NALCN: variants seen among roughly 807,000 people sequenced by gnomAD.
NALCN encodes the protein sodium leak channel NALCN.
A neutral mutation model predicts 225.3 loss-of-function variants in NALCN; 111 were observed. The ratio of observed to expected loss-of-function variants is 0.49; its 90% CI spans 0.42 to 0.58. The LOEUF (loss-of-function observed/expected upper bound fraction) is 0.58. Ranked by LOEUF, NALCN falls within the 20% of genes least tolerant of loss-of-function variation. The pLI is 0.00. For synonymous variants in NALCN, 764 were observed against 769.0 expected, an observed-to-expected ratio of 0.99 and a Z score of 0.11; for missense variants, 1,378 against 2,202.4, an observed-to-expected ratio of 0.63 and a Z score of 7.49.
intron 10 of NALCN, among the ~76,000 whole-genome samples, chr13:101,259,596 AGT>A (rs773410223): frequency 2.0e-4 from 31 of 151,548 alleles, no homozygotes; most frequent in Admixed American, 1.3e-3. Flanking sequence ...GGCCTCCCAA[AGT>A]GTTGGGATTA....
At chr13:101,350,726 T>C (rs1241241474) in intron 6 of NALCN, among the ~76,000 whole-genome samples, 1 of 152,218 alleles carries the variant, frequency 6.6e-6, no homozygotes, top group Non-Finnish European at 1.5e-5. Context: ...TGATTAACAC[T>C]TAAATTGATA....
intron 41 of NALCN, among the ~76,000 whole-genome samples, chr13:101,061,062 G>GT (rs1327309879): frequency 6.6e-6 from 1 of 152,176 alleles, no homozygotes; most frequent in Admixed American, 6.5e-5. Flanking sequence ...ATTGCTTTGG[G>GT]TTTTTTCCCT....
intron 6 of NALCN, among the ~76,000 whole-genome samples, chr13:101,375,861 T>A (rs376688155): frequency 1.3e-5 from 2 of 152,188 alleles, no homozygotes; most frequent in East Asian, 3.9e-4. Flanking sequence ...TATATCTAGC[T>A]AACACCTAAT....
intron 43 of NALCN, chr13:101,057,530 G>C: frequency 4.3e-6 from 1 of 230,016 alleles, no homozygotes; most frequent in Non-Finnish European, 8.6e-6. Context: ...GAGAGAAATC[G>C]GGGGCCTGTC....
At chr13:101,390,979 C>T (rs2047127657) in intron 3 of NALCN, among the ~76,000 whole-genome samples, 1 of 151,824 alleles carries the variant, frequency 6.6e-6, no homozygotes, top group South Asian at 2.1e-4. Context: ...TTAATGGGTG[C>T]AGCACACCAA....
chr13:101,299,380 T>C (rs2043868227), intron 7 of NALCN, among the ~76,000 whole-genome samples: 1 of 152,232 alleles, frequency 6.6e-6, no homozygotes, highest in African/African-American at 2.4e-5. Context: ...CGAAATTAAA[T>C]GACTGCCTTC....
At chr13:101,153,612 C>T (rs912480593) in intron 15 of NALCN, among the ~76,000 whole-genome samples, 2 of 152,172 alleles carry the variant, frequency 1.3e-5, no homozygotes, top group Non-Finnish European at 2.9e-5. Flanking sequence ...CTCTTCCAGC[C>T]TCTCCTGTCT....
chr13:101,368,537 A>C (rs114720800), intron 6 of NALCN: 180 of 152,324 alleles, frequency 1.2e-3, no homozygotes, highest in African/African-American at 3.7e-3. Flanking sequence ...GAAAAGTTTA[A>C]AAATTTTCAA....
chr13:101,158,578 T>C (rs2038016323), intron 15 of NALCN, among the ~76,000 whole-genome samples: 2 of 152,238 alleles, frequency 1.3e-5, no homozygotes, highest in Non-Finnish European at 2.9e-5. Context: ...CTTTCAGAAC[T>C]GTCTATGTCA....
intron 17 of NALCN, among the ~76,000 whole-genome samples, chr13:101,141,257 A>G (rs370342346): frequency 3.3e-5 from 5 of 152,322 alleles, no homozygotes; most frequent in South Asian, 4.1e-4. Flanking sequence ...TCTGATGAAA[A>G]AAGACATATA....
chr13:101,179,295 T>C (rs2039092597), intron 14 of NALCN, among the ~76,000 whole-genome samples: 1 of 150,740 alleles, frequency 6.6e-6, no homozygotes, highest in Non-Finnish European at 1.5e-5. Context: ...AATGTAATAA[T>C]AGCTCAACAA....
Position 101,089,312 on chromosome 13 carries a change from T to G in NALCN, c.3489+351A>C, listed in dbSNP as rs1193719001. 6.6e-6 allele frequency among the ~76,000 whole-genome samples: 1 copy of G among 152,238 alleles called. No homozygotes were observed. The highest frequency in any genetic ancestry group is 1.5e-5 in the Non-Finnish European group (1 of 68,040). Reference sequence around the variant, plus strand: ...TACACAGAAGCATACAATTTACATTTAGTGAAAGTAATATTACCTGTAATT... The same window carrying G: ...TACACAGAAGCATACAATTTACATTGAGTGAAAGTAATATTACCTGTAATT... On this transcript the variant is annotated intron_variant, in intron 30 of 43. Coordinates refer to ENST00000251127, the MANE Select transcript of NALCN (RefSeq NM_052867.4). The surrounding 1 kb of genome is among the most constrained non-coding windows in gnomAD (Gnocchi z 4.7).
chr13:101,271,640 G>A (rs1228165772), intron 10 of NALCN, among the ~76,000 whole-genome samples: 4 of 151,848 alleles, frequency 2.6e-5, no homozygotes, highest in Non-Finnish European at 1.5e-5. Context: ...AGGTATGTGC[G>A]TGTGTATGTG....
intron 13 of NALCN, 98 bp from the exon 14 acceptor site, chr13:101,192,152 T>C (rs1251267279): frequency 7.3e-7 from 1 of 1,375,686 alleles, no homozygotes; most frequent in Non-Finnish European, 9.7e-7. Flanking sequence ...CTCAATATTA[T>C]TGATTTTTAT....
In NALCN at chr13:101,064,394, A is replaced by G. The variant is rs117146702; in HGVS notation, c.4604+1010T>C. ...TAAATGTTTCCTCCCAAAAAAAGAT[A>G]TGTTGGAGTCCTAACCTCTAGTACC... On this transcript the variant is annotated intron_variant, in intron 40 of 43. Transcript: ENST00000251127. 7.2e-5 allele frequency among the ~76,000 whole-genome samples: 11 copies of G among 152,314 alleles called. No homozygotes were observed. The East Asian group carries it at 1.9e-3, about 27-fold the overall frequency.
chr13:101,062,463 C>A lies in NALCN; in HGVS notation c.4605-345G>T, dbSNP rs113907262. On this transcript the variant is annotated intron_variant, in intron 40 of 43. Transcript: ENST00000251127. Reference sequence around the variant, plus strand: ...GCGACTTTCTCTGCAGAAGGAAGACCGCACCTCCCATACTTTCTTCACACT... The same window carrying A: ...GCGACTTTCTCTGCAGAAGGAAGACAGCACCTCCCATACTTTCTTCACACT... Among the ~76,000 whole-genome samples the A allele has an allele frequency of 2.0e-5, 3 of 152,092 alleles. No homozygotes were observed. The East Asian group carries it at 5.8e-4, about 29-fold the overall frequency.
chr13:101,145,870 G>C (rs968185130), intron 15 of NALCN, among the ~76,000 whole-genome samples: 1 of 152,100 alleles, frequency 6.6e-6, no homozygotes, highest in Non-Finnish European at 1.5e-5. Flanking sequence ...GAGGGATTTG[G>C]GGGGTGGGTT....
In NALCN at chr13:101,395,333, G is replaced by A; in HGVS notation, c.141C>T (p.Ile47=). The change falls in exon 3 of 44, where the codon ATC becomes ATT. Residue 47 remains isoleucine (I), a synonymous_variant. Transcript: ENST00000251127. The part of the protein sequence containing the change: ...WVHSLLRICA[I]ISVISVCMNT... ...TCATACAAACAGAAATGACGCTGATGATGGCACAGATGCGCAGCAAAGAGT... is the reference window on the plus strand; with the variant it reads ...TCATACAAACAGAAATGACGCTGATAATGGCACAGATGCGCAGCAAAGAGT... 1 of 1,614,024 alleles carries A rather than the reference G, an allele frequency of 6.2e-7. No individual in the cohort carries two copies. Among genetic ancestry groups the A allele is most frequent in the East Asian group, 2.2e-5 (1 of 44,876 alleles).
At position 101,388,751 on chromosome 13, in the gene NALCN, C is replaced by A. The variant is rs573119312; in HGVS notation, c.291+6432G>T. Among the ~76,000 whole-genome samples the A allele has an allele frequency of 6.8e-4, 103 of 152,288 alleles. 2 individuals carry two copies. Among genetic ancestry groups the A allele is most frequent in the South Asian group, 6.2e-3 (30 of 4,812 alleles). Reference sequence around the variant, plus strand: ...GTCTTTATTTAATGACTTAAAAAAACAAAAGTTTTCTTGTAGGAACATGTC... The same window carrying A: ...GTCTTTATTTAATGACTTAAAAAAAAAAAAGTTTTCTTGTAGGAACATGTC... On this transcript the variant is annotated intron_variant, in intron 3 of 43. Coordinates refer to ENST00000251127, the MANE Select transcript of NALCN (RefSeq NM_052867.4).
Sources: allele counts gnomAD v4.1 joint callset (sites outside exome capture counted in the v4.1 genomes callset), GRCh38; gene constraint gnomAD v4.1.1; non-coding constraint Gnocchi (gnomAD v3.1); transcripts MANE v1.5; gene names NCBI Gene and HGNC (gene_info 2026-07-23, HGNC 2026-07-21).